The following SGCG variants were observed in gnomAD, a reference collection of about 807,000 sequenced individuals.
SGCG encodes the protein sarcoglycan gamma, also known as gamma-sarcoglycan.
A neutral mutation model predicts 29.3 loss-of-function variants in SGCG; 26 were observed. That is an observed-to-expected ratio of 0.89 (90% CI 0.65 to 1.23). The LOEUF (loss-of-function observed/expected upper bound fraction) is 1.23, where lower values mean the gene tolerates loss of function less well. Among genes scored for constraint, SGCG ranks in the 50% most tolerant of loss-of-function variants. The pLI is 0.00. For missense variants in SGCG, 353 were observed against 356.0 expected, an observed-to-expected ratio of 0.99 and a Z score of 0.07; for synonymous variants, 145 against 129.7, an observed-to-expected ratio of 1.12 and a Z score of -0.80.
chr13:23,167,325 G>C, the SGCG span, among the ~76,000 whole-genome samples: 1 of 152,154 alleles, frequency 6.6e-6, no homozygotes, highest in Non-Finnish European at 1.5e-5. Context: ...AATATAGGTT[G>C]CTTCCAAATC....
intron 6 of SGCG, among the ~76,000 whole-genome samples, chr13:23,297,621 GT>G (rs1342015646): frequency 2.0e-5 from 3 of 152,180 alleles, no homozygotes; most frequent in Non-Finnish European, 4.4e-5. Flanking sequence ...TCTGCCCTGG[GT>G]GGGCCAGGTT....
chr13:23,277,008 G>T (rs945865333), intron 4 of SGCG, among the ~76,000 whole-genome samples: 2 of 152,190 alleles, frequency 1.3e-5, no homozygotes, highest in Non-Finnish European at 2.9e-5. Flanking sequence ...GATTTGTATT[G>T]AATGGAACCA....
At chr13:23,236,448 C>A (rs551201903) in intron 3 of SGCG, among the ~76,000 whole-genome samples, 1 of 152,072 alleles carries the variant, frequency 6.6e-6, no homozygotes, top group Non-Finnish European at 1.5e-5. Context: ...GAGGCCGAGG[C>A]GGGCAGATCA....
At chr13:23,280,170 A>T (rs1014292997) in intron 5 of SGCG, among the ~76,000 whole-genome samples, 1 of 152,224 alleles carries the variant, frequency 6.6e-6, no homozygotes, top group Admixed American at 6.5e-5. Context: ...TACAAAAAAA[A>T]GTTCTCTTTT....
chr13:23,249,500 T>A (rs1198797316), intron 3 of SGCG, among the ~76,000 whole-genome samples: 1 of 152,218 alleles, frequency 6.6e-6, no homozygotes, highest in African/African-American at 2.4e-5. Flanking sequence ...TATTCATATC[T>A]AACTTCAAAA....
chr13:23,229,005 G>C (rs951478664), intron 2 of SGCG, among the ~76,000 whole-genome samples: 2 of 152,136 alleles, frequency 1.3e-5, no homozygotes, highest in African/African-American at 2.4e-5. Flanking sequence ...GAGTAGCTGG[G>C]ACTACAGGCA....
chr13:23,178,313 A>T (rs1205640852), upstream of SGCG, among the ~76,000 whole-genome samples: 1 of 152,200 alleles, frequency 6.6e-6, no homozygotes, highest in African/African-American at 2.4e-5. Context: ...AATCCACTGA[A>T]GTTAGTGACT....
At chr13:23,217,328 T>C (rs892448515) in intron 2 of SGCG, 4 of 152,140 alleles carry the variant, frequency 2.6e-5, no homozygotes, top group Non-Finnish European at 4.4e-5. Context: ...GAACCCAACA[T>C]TTCCAATTAT....
intron 6 of SGCG, among the ~76,000 whole-genome samples, chr13:23,316,144 C>T (rs1262130705): frequency 6.6e-6 from 1 of 152,138 alleles, no homozygotes; most frequent in Non-Finnish European, 1.5e-5. Flanking sequence ...AACACTGAGC[C>T]CTTGATATGG....
At chr13:23,276,220 A>C (rs1161754364) in intron 4 of SGCG, among the ~76,000 whole-genome samples, 1 of 152,004 alleles carries the variant, frequency 6.6e-6, no homozygotes, top group Non-Finnish European at 1.5e-5. Flanking sequence ...AAAAGTTAGA[A>C]GATTAATTAC....
chr13:23,233,205 T>C (rs9552884), intron 2 of SGCG, among the ~76,000 whole-genome samples: 22,958 of 152,038 alleles, frequency 0.15, 1,779 homozygotes, highest in East Asian at 0.29. Flanking sequence ...AAAATATGGT[T>C]TGTACACACA....
At position 23,203,893 on chromosome 13, in the gene SGCG, A is replaced by C. The variant is rs777445740; in HGVS notation, c.195+4A>C. ...TAAAGTGATGTGGTTTTCTCCAGTA[A>C]GTATCATTATTTTCTGGTAAGCATG... On this transcript the variant is annotated splice_donor_region_variant and intron_variant, in intron 2 of 7. Transcript: ENST00000218867. 1.3e-6 allele frequency: 2 copies of C among 1,588,134 alleles called. No homozygotes were observed. The highest frequency in any genetic ancestry group is 1.7e-6 in the Non-Finnish European group (2 of 1,156,416).
intron 6 of SGCG, among the ~76,000 whole-genome samples, chr13:23,309,885 T>C (rs2137506393): frequency 6.6e-6 from 1 of 152,242 alleles, no homozygotes; most frequent in South Asian, 2.1e-4. Flanking sequence ...TTTGGTTGTT[T>C]CCTTGCTAGA....
intron 3 of SGCG, among the ~76,000 whole-genome samples, chr13:23,237,078 C>T (rs1879344062): frequency 6.6e-6 from 1 of 152,148 alleles, no homozygotes; most frequent in Non-Finnish European, 1.5e-5. Context: ...ACATAACTCA[C>T]TTATGTGTAC....
chr13:23,224,390 A>C (rs1411774722), intron 2 of SGCG, among the ~76,000 whole-genome samples: 1 of 152,172 alleles, frequency 6.6e-6, no homozygotes, highest in Non-Finnish European at 1.5e-5. Flanking sequence ...CGAAGTATGA[A>C]TGCCTCCAGA....
chr13:23,268,175 T>G (rs958417206), intron 4 of SGCG: 4 of 152,484 alleles, frequency 2.6e-5, no homozygotes, highest in African/African-American at 9.7e-5. Context: ...CGTGCGGAGA[T>G]TTCTGCAGCC....
rs571523015 is a variant in SGCG, at chr13:23,248,824, C to G, written c.298-1806C>G. On this transcript the variant is annotated intron_variant, in intron 3 of 7. Transcript: ENST00000218867. Reference sequence around the variant, plus strand: ...TGGCTAACACGGTGAAACCCCGTCTCTACTAAAACTACCAAAAATTAGGGG... The same window carrying G: ...TGGCTAACACGGTGAAACCCCGTCTGTACTAAAACTACCAAAAATTAGGGG... Among the ~76,000 whole-genome samples, 19 of 151,794 alleles carry G rather than the reference C, an allele frequency of 1.3e-4. No homozygotes were observed. In the East Asian group the frequency reaches 3.7e-3, roughly 30 times the overall value.
chr13:23,234,552 G>C (rs894847466), intron 2 of SGCG, 59 bp from the exon 3 acceptor site: 1 of 1,130,190 alleles, frequency 8.8e-7, no homozygotes, highest in South Asian at 1.2e-5. Flanking sequence ...TCAATATTAA[G>C]AGGAATGAAA....
intron 2 of SGCG, among the ~76,000 whole-genome samples, chr13:23,229,208 T>C (rs1879015298): frequency 6.6e-6 from 1 of 152,156 alleles, no homozygotes; most frequent in African/African-American, 2.4e-5. Context: ...TTGATGGACA[T>C]TTAAGTTGAT....
Sources: allele counts gnomAD v4.1 joint callset (sites outside exome capture counted in the v4.1 genomes callset), GRCh38; gene constraint gnomAD v4.1.1; transcripts MANE v1.5; gene names NCBI Gene and HGNC (gene_info 2026-07-23, HGNC 2026-07-21).